Variants in CD36 observed in about 807,000 individuals in gnomAD.
CD36 encodes the protein CD36 molecule (CD36 blood group).
CD36 carries 119 observed loss-of-function variants against 55.2 expected under a neutral mutation model. That is an observed-to-expected ratio of 2.15 (90% confidence interval 1.86 to 2.51). CD36 has a LOEUF of 2.51. Among genes scored for constraint, CD36 ranks in the 30% most tolerant of loss-of-function variants. The pLI is 0.00. For missense variants in CD36, 819 were observed against 555.5 expected (o/e 1.47, Z -4.77); for synonymous variants, 186 against 193.6 (o/e 0.96, Z 0.33).
chr7:80,617,825 T>C (rs1793250410), intron 1 of CD36, among the ~76,000 whole-genome samples: 1 of 152,178 alleles, frequency 6.6e-6, no homozygotes, highest in African/African-American at 2.4e-5. Context: ...TGATATTCTT[T>C]TCAATTACAT....
intron 1 of CD36, among the ~76,000 whole-genome samples, chr7:80,614,076 T>G (rs750175764): frequency 1.3e-5 from 2 of 152,186 alleles, no homozygotes; most frequent in Non-Finnish European, 2.9e-5. Flanking sequence ...TTAATGCCAA[T>G]CAGCTTTCTT....
intron 1 of CD36, among the ~76,000 whole-genome samples, chr7:80,627,993 TA>T (rs1793844807): frequency 6.6e-6 from 1 of 151,982 alleles, no homozygotes; most frequent in African/African-American, 2.4e-5. Flanking sequence ...GATTTTTGCT[TA>T]AAAAAGAGTA....
intron 8 of CD36, among the ~76,000 whole-genome samples, chr7:80,667,121 T>A (rs1797164015): frequency 6.6e-6 from 1 of 152,100 alleles, no homozygotes. Flanking sequence ...AGTTTAAGAA[T>A]TAAGATTTTT....
chr7:80,670,992 A>G lies in CD36; in HGVS notation c.834A>G (p.Val278=), dbSNP rs1584460701. 4 of 1,612,824 alleles carry G rather than the reference A, an allele frequency of 2.5e-6. No individual in the cohort carries two copies. Among genetic ancestry groups the G allele is most frequent in the South Asian group, 1.1e-5 (1 of 91,048 alleles). Reference sequence around the variant, plus strand: ...CTGTATTTAGGTCAATCTATGCTGTATTTGAATCCGACGTTAATCTGAAAG... The same window carrying G: ...CTGTATTTAGGTCAATCTATGCTGTGTTTGAATCCGACGTTAATCTGAAAG... The part of the protein sequence containing the change: ...SSDICRSIYA[V]FESDVNLKGI... The change falls in exon 10 of 15, where the codon GTA becomes GTG. Residue 278 remains valine, a synonymous_variant. Transcript: ENST00000447544.
intron 4 of CD36, among the ~76,000 whole-genome samples, chr7:80,658,723 T>C (rs1796284199): frequency 1.3e-5 from 2 of 152,176 alleles, no homozygotes; most frequent in South Asian, 2.1e-4. Flanking sequence ...CTCAAACTCC[T>C]GGGCTCAAGC....
At chr7:80,673,658 C>A (rs1797951878) in intron 13 of CD36, 1 of 557,200 alleles carries the variant, frequency 1.8e-6, no homozygotes, top group Non-Finnish European at 3.2e-6. Context: ...CTTCTATTGC[C>A]TGACAAGGTA....
intron 1 of CD36, among the ~76,000 whole-genome samples, chr7:80,625,206 G>C (rs896366616): frequency 2.6e-5 from 4 of 152,062 alleles, no homozygotes; most frequent in African/African-American, 9.7e-5. Flanking sequence ...TACACGGAAT[G>C]ATACTGGGAA....
intron 1 of CD36, among the ~76,000 whole-genome samples, chr7:80,625,471 G>C (rs1008822989): frequency 1.3e-5 from 2 of 152,114 alleles, no homozygotes; most frequent in African/African-American, 4.8e-5. Flanking sequence ...GTGAAGATAA[G>C]GGACTGAAGA....
At chr7:80,673,643 T>G in intron 13 of CD36, 1 of 562,504 alleles carries the variant, frequency 1.8e-6, no homozygotes, top group Non-Finnish European at 3.2e-6. Context: ...TGTTGTAACA[T>G]TTGTCTTCTA....
At chr7:80,649,865 CAA>C (rs3211826) in intron 3 of CD36, among the ~76,000 whole-genome samples, 1,899 of 151,828 alleles carry the variant, frequency 0.013, 48 homozygotes, top group African/African-American at 0.045. Flanking sequence ...AAGAAACAAA[CAA>C]AGAGTACAAT....
At chr7:80,672,274 T>C (rs1797764150) in intron 11 of CD36, among the ~76,000 whole-genome samples, 2 of 151,860 alleles carry the variant, frequency 1.3e-5, no homozygotes, top group African/African-American at 4.8e-5. Context: ...TATTGTATAT[T>C]ATGCAAAAGT....
chr7:80,647,022 A>G, intron 3 of CD36, 162 bp downstream of exon 3: 1 of 673,524 alleles, frequency 1.5e-6, no homozygotes, highest in Non-Finnish European at 2.6e-6. Flanking sequence ...ATGCGACTTT[A>G]TGTGAAATGT....
upstream of CD36, among the ~76,000 whole-genome samples, chr7:80,637,533 G>T (rs750124923): frequency 4.7e-5 from 7 of 149,970 alleles, no homozygotes; most frequent in Non-Finnish European, 1.0e-4. Flanking sequence ...ACTTCCCTGG[G>T]GAAAAAAAAT....
At chr7:80,628,550 G>A (rs1016290385) in intron 1 of CD36, among the ~76,000 whole-genome samples, 9 of 152,014 alleles carry the variant, frequency 5.9e-5, no homozygotes, top group Non-Finnish European at 1.3e-4. Flanking sequence ...ACCTGGTTAA[G>A]CCATGTTTCT....
chr7:80,656,183 A>G (rs972981859), intron 3 of CD36, among the ~76,000 whole-genome samples: 1 of 152,126 alleles, frequency 6.6e-6, no homozygotes, highest in Non-Finnish European at 1.5e-5. Context: ...ACTCAGTAAG[A>G]ACTTTTTTGA....
At chr7:80,664,306 T>C (rs994711921) in intron 6 of CD36, 100 bp from the exon 7 acceptor site, 1 of 744,094 alleles carries the variant, frequency 1.3e-6, no homozygotes, top group Non-Finnish European at 2.5e-6. Context: ...TCAAGTCATT[T>C]GAGTAACCAG....
chr7:80,672,101 A>G, intron 11 of CD36, 61 bp downstream of exon 11: 2 of 1,289,452 alleles, frequency 1.6e-6, no homozygotes, highest in Non-Finnish European at 2.2e-6. Flanking sequence ...ATTGAAATAA[A>G]AATAATCTTG....
chr7:80,629,029 G>C (rs1189556301), intron 1 of CD36, among the ~76,000 whole-genome samples: 1 of 152,044 alleles, frequency 6.6e-6, no homozygotes, highest in Non-Finnish European at 1.5e-5. Context: ...GCAGTTCCTA[G>C]ATTGACTTTT....
At chr7:80,653,302 C>A (rs543044964) in intron 3 of CD36, among the ~76,000 whole-genome samples, 1 of 152,154 alleles carries the variant, frequency 6.6e-6, no homozygotes, top group South Asian at 2.1e-4. Flanking sequence ...CTACTCCATG[C>A]GTAGCAAAGT....
Sources: allele counts gnomAD v4.1 joint callset (sites outside exome capture counted in the v4.1 genomes callset), GRCh38; gene constraint gnomAD v4.1.1; transcripts MANE v1.5; gene names NCBI Gene and HGNC (gene_info 2026-07-23, HGNC 2026-07-21).